The following XPO6 variants were observed in gnomAD, a reference collection of about 807,000 sequenced individuals.
The protein encoded by XPO6 is exportin 6.
Under a neutral mutation model 130.0 loss-of-function variants are expected in XPO6, and 3 were observed. The observed-to-expected ratio is 0.02, with a 90% CI of 0.01 to 0.06. XPO6 has a LOEUF of 0.06. XPO6 is among the 10% of genes least tolerant of loss of function. The probability of loss-of-function intolerance (pLI) is 1.00; values close to 1 mark genes in which losing one functional copy is unlikely to be tolerated. For synonymous variants in XPO6, 524 were observed against 548.9 expected, an observed-to-expected ratio of 0.95 and a Z score of 0.63; for missense variants, 970 against 1,393.0, an observed-to-expected ratio of 0.70 and a Z score of 4.83.
chr16:28,144,960 T>C (rs896990242), intron 9 of XPO6, among the ~76,000 whole-genome samples: 1 of 152,154 alleles, frequency 6.6e-6, no homozygotes, highest in African/African-American at 2.4e-5. Flanking sequence ...CCTCATGCAC[T>C]GGTTTTACAA....
At position 28,098,496 on chromosome 16, in the gene XPO6, G is replaced by T; in HGVS notation, c.*42C>A. On this transcript the variant is annotated 3_prime_UTR_variant, in exon 24 of 24. Transcript: ENST00000304658. The stretch of plus-strand genomic sequence containing the variant: ...TGTGGTGGAAGGTAGGGCTGGCGCA[G>T]GTGGCAGCAGCAGAAGTCCGTGTCC... The T allele has an allele frequency of 6.5e-7, 1 of 1,549,250 alleles. No homozygotes were observed. The highest frequency in any genetic ancestry group is 1.1e-5 in the South Asian group (1 of 87,158).
At chr16:28,126,353 G>A (rs1314485386) in intron 12 of XPO6, among the ~76,000 whole-genome samples, 3 of 152,126 alleles carry the variant, frequency 2.0e-5, no homozygotes, top group Non-Finnish European at 2.9e-5. Context: ...GCTAAGAGAG[G>A]AGAGGTACAC....
In XPO6 at chr16:28,098,407, C is replaced by T; in HGVS notation, c.*131G>A. 1.3e-6 allele frequency: 1 copy of T among 742,674 alleles called. No individual in the cohort carries two copies. The highest frequency in any genetic ancestry group is 2.2e-6 in the Non-Finnish European group (1 of 451,784). The allele number at this position is 742,674 out of a possible 1,614,324, so 46.0% of individuals were successfully genotyped here. A position where few individuals can be genotyped will look rare whatever the true frequency, so the allele number is the denominator to read the frequency against. On this transcript the variant is annotated 3_prime_UTR_variant, in exon 24 of 24. Coordinates refer to ENST00000304658, the MANE Select transcript of XPO6 (RefSeq NM_015171.4). ...GCAAGATGTGGAGGAGCGGCAGAGG[C>T]AGGCAGCGTTGCTTGCGGTGGGAGA...
chr16:28,191,053 T>C (rs2043779726), intron 1 of XPO6, among the ~76,000 whole-genome samples: 1 of 152,216 alleles, frequency 6.6e-6, no homozygotes, highest in Non-Finnish European at 1.5e-5. Flanking sequence ...CGGTACCCTC[T>C]ACCTTGCCCC....
rs548734244 is a variant in XPO6, at chr16:28,145,260, G to A, written c.1334+834C>T. Among the ~76,000 whole-genome samples, 7 of 152,222 alleles carry A rather than the reference G, an allele frequency of 4.6e-5. No individual in the cohort carries two copies. The South Asian group carries it at 1.5e-3, about 32-fold the overall frequency. ...TGCAGTCACCTACTGAGACTATGAT[G>A]GGTATGTTTCTGCTAAGAAAAGCTG... On this transcript the variant is annotated intron_variant, in intron 9 of 23. Transcript: ENST00000304658.
intron 12 of XPO6, among the ~76,000 whole-genome samples, chr16:28,126,307 G>A (rs1322187321): frequency 5.9e-5 from 9 of 152,134 alleles, no homozygotes; most frequent in Admixed American, 5.9e-4. Flanking sequence ...ATCTCAGAAT[G>A]AAATTTCCAT....
At chr16:28,201,191 A>G (rs2043947999) in intron 1 of XPO6, among the ~76,000 whole-genome samples, 1 of 152,110 alleles carries the variant, frequency 6.6e-6, no homozygotes, top group African/African-American at 2.4e-5. Flanking sequence ...CCGGGGGAAA[A>G]AATACAGTTA....
chr16:28,210,362 A>G (rs74014264), intron 1 of XPO6, among the ~76,000 whole-genome samples: 8,948 of 152,216 alleles, frequency 0.059, 663 homozygotes, highest in East Asian at 0.17. Flanking sequence ...CAGGGGTAAA[A>G]TGGGTGAAAC....
chr16:28,181,037 A>G lies in XPO6; in HGVS notation c.4-6T>C. On this transcript the variant is annotated splice_region_variant and splice_polypyrimidine_tract_variant and intron_variant, in intron 1 of 23. Transcript: ENST00000304658. ...AGAGAGGCTTCTTCAGATGCCTAAC[A>G]AAGGAATTTGAAAAAAAATCAATAA... 3.1e-6 allele frequency: 5 copies of G among 1,607,688 alleles called. No homozygotes were observed. Among genetic ancestry groups the G allele is most frequent in the Non-Finnish European group, 4.2e-6 (5 of 1,177,070 alleles).
In XPO6 at chr16:28,106,340, C is replaced by A. The variant is rs757309820; in HGVS notation, c.2612+43G>T. ...CACTTTGTCGCCAGACCCACCACTTCTCCCTTGAATCTGAAAACTATAGAT... is the reference window on the plus strand; with the variant it reads ...CACTTTGTCGCCAGACCCACCACTTATCCCTTGAATCTGAAAACTATAGAT... On this transcript the variant is annotated intron_variant, in intron 19 of 23. Coordinates refer to ENST00000304658, the MANE Select transcript of XPO6 (RefSeq NM_015171.4). This position sits in a 1 kb window ranked among gnomAD's most constrained non-coding sequence, Gnocchi z 4.2. 1.1e-5 allele frequency: 17 copies of A among 1,608,200 alleles called. No homozygotes were observed. Among genetic ancestry groups the A allele is most frequent in the Non-Finnish European group, 1.4e-5 (17 of 1,174,822 alleles).
chr16:28,121,632 T>C, intron 14 of XPO6, 38 bp downstream of exon 14: 1 of 1,476,650 alleles, frequency 6.8e-7, no homozygotes, highest in Non-Finnish European at 9.5e-7. Flanking sequence ...GGGCAAGGTC[T>C]TTCCTAAAAA....
In XPO6 at chr16:28,099,508, G is replaced by A. The variant is rs574228814; in HGVS notation, c.3277-869C>T. On this transcript the variant is annotated intron_variant, in intron 23 of 23. Coordinates refer to ENST00000304658, the MANE Select transcript of XPO6 (RefSeq NM_015171.4). ...CCTCTGTCCTGAGCAATCTGCTTCT[G>A]GGGAGTGTGTGCAGGCTCTGGGGCC... Among the ~76,000 whole-genome samples the A allele has an allele frequency of 2.6e-4, 40 of 152,354 alleles. 1 individual carries two copies. In the South Asian group the frequency reaches 7.9e-3, roughly 30 times the overall value.
intron 14 of XPO6, among the ~76,000 whole-genome samples, chr16:28,118,737 G>C (rs2087141499): frequency 6.6e-6 from 1 of 152,162 alleles, no homozygotes; most frequent in Non-Finnish European, 1.5e-5. Flanking sequence ...CTTTCTTGAT[G>C]ACTGAACTGT....
intron 7 of XPO6, chr16:28,153,100 T>C: frequency 2.9e-6 from 3 of 1,048,288 alleles, no homozygotes; most frequent in Non-Finnish European, 2.3e-6. Context: ...AAAAAGTTGA[T>C]GGGCAGATCA....
At chr16:28,121,126 G>A (rs753958840) in intron 14 of XPO6, among the ~76,000 whole-genome samples, 4 of 152,256 alleles carry the variant, frequency 2.6e-5, no homozygotes, top group Non-Finnish European at 4.4e-5. Context: ...TGTAGGTAGA[G>A]AGTGTGGTCT....
Position 28,098,382 on chromosome 16 carries a change from G to C in XPO6, c.*156C>G. ...CAGAAGCCAGCTCTGCTGGGCAGCG[G>C]CAAGATGTGGAGGAGCGGCAGAGGC... On this transcript the variant is annotated 3_prime_UTR_variant, in exon 24 of 24. Coordinates refer to ENST00000304658, the MANE Select transcript of XPO6 (RefSeq NM_015171.4). 1 of 637,734 alleles carries C rather than the reference G, an allele frequency of 1.6e-6. No homozygotes were observed. Among genetic ancestry groups the C allele is most frequent in the Admixed American group, 2.7e-5 (1 of 36,514 alleles). The allele number at this position is 637,734 out of a possible 1,614,324, so 39.5% of individuals were successfully genotyped here. A position where few individuals can be genotyped will look rare whatever the true frequency, so the allele number is the denominator to read the frequency against.
At chr16:28,150,341 C>T (rs1336856019) in intron 8 of XPO6, among the ~76,000 whole-genome samples, 1 of 151,902 alleles carries the variant, frequency 6.6e-6, no homozygotes. Flanking sequence ...ATTACTTTCC[C>T]AATATATAAA....
Position 28,101,120 on chromosome 16 carries a change from C to A in XPO6, c.3276+338G>T. 2.5e-6 allele frequency: 1 copy of A among 398,644 alleles called. No homozygotes were observed. The highest frequency in any genetic ancestry group is 4.8e-6 in the Non-Finnish European group (1 of 208,762). The allele number at this position is 398,644 out of a possible 1,614,324, so 24.7% of individuals were successfully genotyped here. The stretch of plus-strand genomic sequence containing the variant: ...AAGCCTGGGCACACTCCAATGCTGG[C>A]CCCACCGGGGCTCATCACCCAGGAG... On this transcript the variant is annotated intron_variant, in intron 23 of 23. Transcript: ENST00000304658. This position sits in a 1 kb window ranked among gnomAD's most constrained non-coding sequence, Gnocchi z 5.4.
intron 8 of XPO6, 59 bp from the exon 9 acceptor site, chr16:28,146,262 C>T: frequency 4.2e-6 from 5 of 1,191,934 alleles, no homozygotes; most frequent in Non-Finnish European, 6.2e-6. Flanking sequence ...TCCTTAGAAA[C>T]ACACACATGC....
Sources: gnomAD v4.1 joint callset for allele counts (sites outside exome capture counted in the v4.1 genomes callset) on GRCh38, gnomAD v4.1.1 for gene constraint, Gnocchi (gnomAD v3.1) non-coding constraint, MANE v1.5 for transcripts, NCBI Gene and HGNC (gene_info 2026-07-23, HGNC 2026-07-21) for gene names.